MDGA2: variants seen among roughly 807,000 people sequenced by gnomAD.
The protein encoded by MDGA2 is MAM domain-containing glycosylphosphatidylinositol anchor protein 2.
A neutral mutation model predicts 117.8 loss-of-function variants in MDGA2; 40 were observed. The observed-to-expected ratio is 0.34, with a 90% CI of 0.26 to 0.44. The LOEUF (loss-of-function observed/expected upper bound fraction) is 0.44. Ranked by LOEUF, MDGA2 falls within the 20% of genes least tolerant of loss-of-function variation. The probability of loss-of-function intolerance (pLI) is 1.00; values close to 1 mark genes in which losing one functional copy is unlikely to be tolerated. For synonymous variants in MDGA2, 452 were observed against 439.0 expected (o/e 1.03, Z -0.37); for missense variants, 1,123 against 1,250.6 (o/e 0.90, Z 1.54).
At chr14:47,403,169 T>A (rs922103961) in intron 1 of MDGA2, among the ~76,000 whole-genome samples, 2 of 152,156 alleles carry the variant, frequency 1.3e-5, no homozygotes, top group Non-Finnish European at 2.9e-5. Flanking sequence ...ACTTATCAAC[T>A]TAGTCTAATT....
chr14:47,040,995 AAAT>A (rs569342123), intron 7 of MDGA2, among the ~76,000 whole-genome samples: 190 of 152,324 alleles, frequency 1.2e-3, no homozygotes, highest in Non-Finnish European at 2.1e-3. Flanking sequence ...AAAGCTATCA[AAAT>A]AATAGATAAT....
At chr14:47,322,320 C>A (rs1490077183) in intron 1 of MDGA2, among the ~76,000 whole-genome samples, 1 of 152,118 alleles carries the variant, frequency 6.6e-6, no homozygotes, top group African/African-American at 2.4e-5. Flanking sequence ...AATAGGTATT[C>A]TACTGACAAG....
chr14:47,505,628 T>C (rs560120420), intron 1 of MDGA2, among the ~76,000 whole-genome samples: 118 of 152,310 alleles, frequency 7.7e-4, no homozygotes, highest in Non-Finnish European at 1.4e-3. Flanking sequence ...TTTTATGTCA[T>C]TATTTGCAAA....
chr14:47,493,812 T>C (rs1894223275), intron 1 of MDGA2, among the ~76,000 whole-genome samples: 2 of 152,200 alleles, frequency 1.3e-5, no homozygotes, highest in South Asian at 2.1e-4. Flanking sequence ...TTTATAATTT[T>C]TCAATAAATA....
chr14:47,574,327 T>C (rs1200805272), intron 1 of MDGA2, among the ~76,000 whole-genome samples: 4 of 152,182 alleles, frequency 2.6e-5, no homozygotes, highest in South Asian at 2.1e-4. Flanking sequence ...CAGAATCCTA[T>C]ACACTGGCCA....
chr14:47,251,617 A>G (rs1887449916), intron 2 of MDGA2, among the ~76,000 whole-genome samples: 1 of 152,220 alleles, frequency 6.6e-6, no homozygotes, highest in Admixed American at 6.5e-5. Context: ...TTAAAAGTAC[A>G]GCTACCACAA....
At chr14:47,520,670 C>T (rs116311921) in intron 1 of MDGA2, among the ~76,000 whole-genome samples, 3,246 of 152,110 alleles carry the variant, frequency 0.021, 51 homozygotes, top group African/African-American at 0.051. Context: ...AATGAGCTCA[C>T]GTCCAAGCAA....
At chr14:47,060,231 A>C (rs1338025045) in intron 7 of MDGA2, among the ~76,000 whole-genome samples, 2 of 152,100 alleles carry the variant, frequency 1.3e-5, no homozygotes, top group African/African-American at 4.8e-5. Flanking sequence ...CTAGGAACAA[A>C]GCACAATTGT....
In MDGA2 at chr14:47,537,483, T is replaced by C. The variant is rs1029168121; in HGVS notation, c.280+137034A>G. ...TAAAAAAAAATTCTGCCAACTGTTG[T>C]ACATGAAAGAAAGATGCTACTATGC... is the stretch of plus-strand genomic sequence containing the variant. On this transcript the variant is annotated intron_variant, in intron 1 of 16. Transcript: ENST00000399232. Among the ~76,000 whole-genome samples the C allele has an allele frequency of 4.2e-5, 6 of 142,772 alleles. No homozygotes were observed. In the Admixed American group the frequency reaches 4.5e-4, roughly 11 times the overall value. The allele number at this position is 142,772 out of a possible 152,430, so 93.7% of individuals were successfully genotyped here. A position where few individuals can be genotyped will look rare whatever the true frequency, so the allele number is the denominator to read the frequency against.
chr14:47,372,250 G>T (rs1891377053), intron 1 of MDGA2, among the ~76,000 whole-genome samples: 1 of 151,600 alleles, frequency 6.6e-6, no homozygotes, highest in Admixed American at 6.6e-5. Flanking sequence ...AGATATATTT[G>T]CATACATTAT....
rs368033107 is a variant in MDGA2 at position 47,373,414 on chromosome 14, GA to G, written c.281-71865del. 1.9e-3 allele frequency among the ~76,000 whole-genome samples: 291 copies of G among 151,650 alleles called. 2 individuals are homozygous for G. The highest frequency in any genetic ancestry group is 6.3e-3 in the African/African-American group (261 of 41,438). ...TCACTATTTATACCACCTAAAAGGT[GA>G]AAAAAAATCTATTAACTTAAAATGT... is the stretch of plus-strand genomic sequence containing the variant. On this transcript the variant is annotated intron_variant, in intron 1 of 16. Coordinates refer to ENST00000399232, the MANE Select transcript of MDGA2 (RefSeq NM_001113498.3).
chr14:47,161,456 T>C (rs114463869), intron 3 of MDGA2, among the ~76,000 whole-genome samples: 1,788 of 152,170 alleles, frequency 0.012, 34 homozygotes, highest in African/African-American at 0.041. Flanking sequence ...ATTTCTATTA[T>C]GGTTAGAACT....
chr14:46,877,714 A>G (rs1247212408), intron 11 of MDGA2, among the ~76,000 whole-genome samples: 1 of 151,776 alleles, frequency 6.6e-6, no homozygotes. Flanking sequence ...CTCAGCAATA[A>G]CAGCCTCAAA....
intron 1 of MDGA2, among the ~76,000 whole-genome samples, chr14:47,595,560 A>C (rs867519913): frequency 1.1e-4 from 17 of 150,238 alleles, no homozygotes; most frequent in Admixed American, 4.0e-4. Context: ...AAAAAAACAA[A>C]AAAAAAAAAA....
intron 1 of MDGA2, among the ~76,000 whole-genome samples, chr14:47,648,766 G>A (rs1897583879): frequency 6.6e-6 from 1 of 152,094 alleles, no homozygotes; most frequent in African/African-American, 2.4e-5. Flanking sequence ...TGACCTAATT[G>A]AAGTGTTCTT....
At chr14:47,129,328 G>A (rs1324624651) in intron 5 of MDGA2, among the ~76,000 whole-genome samples, 1 of 151,056 alleles carries the variant, frequency 6.6e-6, no homozygotes, top group Non-Finnish European at 1.5e-5. Flanking sequence ...ACCTATGAGT[G>A]AGAATATGCG....
intron 1 of MDGA2, among the ~76,000 whole-genome samples, chr14:47,451,623 T>C (rs1251982915): frequency 2.0e-5 from 3 of 152,056 alleles, no homozygotes; most frequent in African/African-American, 7.2e-5. Flanking sequence ...ACCTACGTAG[T>C]AATAAAGACA....
At chr14:47,374,999 A>G (rs1891444913) in intron 1 of MDGA2, among the ~76,000 whole-genome samples, 1 of 151,994 alleles carries the variant, frequency 6.6e-6, no homozygotes, top group Admixed American at 6.6e-5. Flanking sequence ...TTAATTTTGA[A>G]GTCAAATATA....
chr14:47,034,946 T>C (rs1888789984), intron 8 of MDGA2, 65 bp downstream of exon 8: 4 of 1,420,784 alleles, frequency 2.8e-6, no homozygotes, highest in Non-Finnish European at 3.8e-6. Flanking sequence ...ATATTAATAG[T>C]AGAATAATGG....
Sources: allele counts gnomAD v4.1 joint callset (sites outside exome capture counted in the v4.1 genomes callset), GRCh38; gene constraint gnomAD v4.1.1; transcripts MANE v1.5; gene names NCBI Gene and HGNC (gene_info 2026-07-23, HGNC 2026-07-21).